Variants in ANKRD31 observed in about 807,000 individuals in gnomAD.
ANKRD31 encodes the protein ankyrin repeat domain-containing protein 31.
A neutral mutation model predicts 186.0 loss-of-function variants in ANKRD31; 147 were observed. That is an observed-to-expected ratio of 0.79 (90% confidence interval 0.69 to 0.91). The LOEUF (loss-of-function observed/expected upper bound fraction) is 0.91, where lower values mean the gene tolerates loss of function less well. Among genes scored for constraint, ANKRD31 ranks in the 40% least tolerant of loss-of-function variants. The probability of loss-of-function intolerance (pLI) is 0.00; values close to 1 mark genes in which losing one functional copy is unlikely to be tolerated. For synonymous variants in ANKRD31, 673 were observed against 736.4 expected (o/e 0.91, Z 1.39); for missense variants, 1,986 against 2,148.8 (o/e 0.92, Z 1.50).
At position 75,164,041 on chromosome 5, in the gene ANKRD31, T is replaced by A. The variant is rs566471247; in HGVS notation, c.1707+4938A>T. Among the ~76,000 whole-genome samples the A allele has an allele frequency of 5.8e-4, 89 of 152,320 alleles. 1 individual carries two copies. Among genetic ancestry groups the A allele is most frequent in the African/African-American group, 2.0e-3 (85 of 41,582 alleles). ...AATGACAGTATGTGACTTCTAAGGC[T>A]AGGTTAAAAAGTATTGTGGCTTCCT... On this transcript the variant is annotated intron_variant, in intron 11 of 25. Coordinates refer to ENST00000506364, the MANE Select transcript of ANKRD31 (RefSeq NM_001372053.1).
chr5:75,145,140 G>A (rs900167412), intron 14 of ANKRD31, among the ~76,000 whole-genome samples: 6 of 152,078 alleles, frequency 3.9e-5, no homozygotes, highest in Admixed American at 3.3e-4. Context: ...ACTGTTGGTG[G>A]GAGTGTAAAT....
intron 9 of ANKRD31, among the ~76,000 whole-genome samples, chr5:75,191,817 G>A (rs1244597144): frequency 6.6e-6 from 1 of 151,974 alleles, no homozygotes; most frequent in Non-Finnish European, 1.5e-5. Context: ...AAATGAGATA[G>A]TCTTTTACAC....
At position 75,147,121 on chromosome 5, in the gene ANKRD31, T is replaced by C. The variant is rs1212126597; in HGVS notation, c.2290A>G (p.Thr764Ala). ...GTTTCTGGAATATGCTGCTGATAGGTAACCAATCTGTTTATTCTCCTGGAA... is the reference window on the plus strand; with the variant it reads ...GTTTCTGGAATATGCTGCTGATAGGCAACCAATCTGTTTATTCTCCTGGAA... ...SPSRRINRLV[T>A]YQQHIPETHN... Residue 764 changes from threonine (T) to alanine (A), a missense_variant, in exon 14 of 26, where the codon ACC becomes GCC. Transcript: ENST00000506364. The C allele has an allele frequency of 6.5e-7, 1 of 1,536,382 alleles. No homozygotes were observed. Among genetic ancestry groups the C allele is most frequent in the Non-Finnish European group, 8.7e-7 (1 of 1,146,336 alleles).
rs549446277 is a variant in ANKRD31 at position 75,174,762 on chromosome 5, C to T, written c.1565-5641G>A. On this transcript the variant is annotated intron_variant, in intron 10 of 25. Transcript: ENST00000506364. ...TGGAGAGGATGTGGAGAAATAGGAA[C>T]GCTTTTACACTGTTGGTGGGAGTGT... Among the ~76,000 whole-genome samples the T allele has an allele frequency of 9.2e-5, 14 of 152,266 alleles. No homozygotes were observed. The East Asian group carries it at 1.2e-3, about 13-fold the overall frequency.
chr5:75,137,824 G>A (rs1161381300), intron 17 of ANKRD31, 32 bp downstream of exon 17: 1 of 1,379,754 alleles, frequency 7.2e-7, no homozygotes, highest in Non-Finnish European at 9.4e-7. Flanking sequence ...CTAAGAAAAA[G>A]TAGTAAGATC....
chr5:75,227,507 T>C (rs1251681804), intron 2 of ANKRD31, among the ~76,000 whole-genome samples: 1 of 152,012 alleles, frequency 6.6e-6, no homozygotes, highest in African/African-American at 2.4e-5. Flanking sequence ...TGCCTAAATA[T>C]CTCATATACC....
intron 21 of ANKRD31, 150 bp downstream of exon 21, chr5:75,107,371 T>C (rs547976251): frequency 5.7e-6 from 3 of 530,380 alleles, no homozygotes; most frequent in African/African-American, 3.9e-5. Flanking sequence ...TAATTTTCCA[T>C]GGTAGTAACG....
At chr5:75,143,542 G>A (rs748678090) in intron 15 of ANKRD31, among the ~76,000 whole-genome samples, 2 of 152,104 alleles carry the variant, frequency 1.3e-5, no homozygotes, top group Non-Finnish European at 2.9e-5. Context: ...CCAGCCTATT[G>A]TTTATGACAG....
intron 17 of ANKRD31, among the ~76,000 whole-genome samples, chr5:75,134,124 C>A (rs71491030): frequency 6.6e-6 from 1 of 151,860 alleles, no homozygotes; most frequent in Non-Finnish European, 1.5e-5. Flanking sequence ...CAAGAGCAAA[C>A]ACATTCAAAA....
rs182127163 is a variant in ANKRD31, at chr5:75,172,585, T to A, written c.1565-3464A>T. ...CCACCGATCCCACAGAAACACAAAC[T>A]GCCATCAGAGAATACTATAAACACC... On this transcript the variant is annotated intron_variant, in intron 10 of 25. Transcript: ENST00000506364. Among the ~76,000 whole-genome samples, 167 of 152,156 alleles carry A rather than the reference T, an allele frequency of 1.1e-3. 1 individual carries two copies. The highest frequency in any genetic ancestry group is 3.9e-3 in the African/African-American group (163 of 41,542).
intron 25 of ANKRD31, among the ~76,000 whole-genome samples, chr5:75,080,019 G>A (rs756244948): frequency 1.8e-4 from 27 of 152,116 alleles, no homozygotes; most frequent in Middle Eastern, 3.4e-3. Context: ...GATCACTTGA[G>A]CCTGGGAGAT....
chr5:75,120,246 T>A (rs922165293), intron 17 of ANKRD31, among the ~76,000 whole-genome samples: 2 of 151,970 alleles, frequency 1.3e-5, no homozygotes, highest in Non-Finnish European at 2.9e-5. Flanking sequence ...AAGTAAAAAA[T>A]TAGCTGGGTG....
intron 17 of ANKRD31, among the ~76,000 whole-genome samples, chr5:75,131,331 C>T (rs992584328): frequency 4.6e-5 from 7 of 151,934 alleles, no homozygotes; most frequent in African/African-American, 1.7e-4. Context: ...GTTATCACCT[C>T]TCATTAGCAA....
At chr5:75,114,577 A>C (rs1468787711) in intron 19 of ANKRD31, among the ~76,000 whole-genome samples, 1 of 152,126 alleles carries the variant, frequency 6.6e-6, no homozygotes, top group African/African-American at 2.4e-5. Flanking sequence ...TATACAATCA[A>C]CGTACAAAAA....
chr5:75,104,545 GATC>G lies in ANKRD31; in HGVS notation c.5011_5013del (p.Asp1671del). The G allele has an allele frequency of 6.5e-7, 1 of 1,536,870 alleles. No homozygotes were observed. The highest frequency in any genetic ancestry group is 8.7e-7 in the Non-Finnish European group (1 of 1,146,790). ...CTTGTTTTTCTGTTTCCTCTTTTGG[GATC>G]ATAATTGGAAAGGTCCTGATCACAA... On this transcript the variant is annotated inframe_deletion, in exon 22 of 26. Coordinates refer to ENST00000506364, the MANE Select transcript of ANKRD31 (RefSeq NM_001372053.1).
chr5:75,231,247 A>AAT (rs1489786963), intron 1 of ANKRD31, among the ~76,000 whole-genome samples: 66 of 146,952 alleles, frequency 4.5e-4, no homozygotes, highest in Middle Eastern at 3.4e-3. Flanking sequence ...TTTTTTAATT[A>AAT]ATTTTTTTTT....
intron 14 of ANKRD31, among the ~76,000 whole-genome samples, chr5:75,144,385 C>T (rs1413992762): frequency 6.6e-6 from 1 of 152,088 alleles, no homozygotes; most frequent in African/African-American, 2.4e-5. Flanking sequence ...ATAGACCTAA[C>T]AATTTCCTGC....
intron 17 of ANKRD31, among the ~76,000 whole-genome samples, chr5:75,126,358 C>T (rs1192636394): frequency 6.6e-6 from 1 of 152,242 alleles, no homozygotes; most frequent in Non-Finnish European, 1.5e-5. Flanking sequence ...AGGAGAATTG[C>T]TTGAACCCGG....
Position 75,168,990 on chromosome 5 carries a change from C to T in ANKRD31, c.1696G>A (p.Gly566Arg), listed in dbSNP as rs80150067. 4.6e-6 allele frequency: 7 copies of T among 1,535,294 alleles called. No homozygotes were observed. The East Asian group carries it at 1.5e-4, about 32-fold the overall frequency. The part of the protein sequence containing the change: ...ITPLHDAVMN[G>R]HYKVAELLLL... ...AAGCATCACAGTACCTTATAATGTC[C>T]ATTCATCACTGCATCATGTAGGGGA... is the stretch of plus-strand genomic sequence containing the variant. Residue 566 changes from glycine to arginine, a missense_variant, in exon 11 of 26, where the codon GGA (glycine) becomes AGA (arginine). Physicochemically the swap from Gly to Arg is moderately radical, Grantham distance 125 (BLOSUM62 -2). Transcript: ENST00000506364.
Sources: gnomAD v4.1 joint callset for allele counts (sites outside exome capture counted in the v4.1 genomes callset) on GRCh38, gnomAD v4.1.1 for gene constraint, MANE v1.5 for transcripts, NCBI Gene and HGNC (gene_info 2026-07-23, HGNC 2026-07-21) for gene names.